Variants in SGK3 observed in about 807,000 individuals in gnomAD.
The protein encoded by SGK3 is serum/glucocorticoid regulated kinase family member 3.
SGK3 carries 47 observed loss-of-function variants against 68.5 expected under a neutral mutation model. The ratio of observed to expected loss-of-function variants is 0.69; its 90% CI spans 0.54 to 0.87. SGK3 has a LOEUF of 0.87. SGK3 is among the 40% of genes least tolerant of loss of function. SGK3 has a pLI of 0.00. For missense variants in SGK3, 479 were observed against 575.5 expected (o/e 0.83, Z 1.72); for synonymous variants, 181 against 189.1 (o/e 0.96, Z 0.35).
At chr8:66,771,611 G>A (rs1282946652) in intron 1 of SGK3, among the ~76,000 whole-genome samples, 3 of 152,150 alleles carry the variant, frequency 2.0e-5, no homozygotes, top group Non-Finnish European at 4.4e-5. Context: ...GAAATGCTGT[G>A]TGATTCTTTT....
chr8:66,740,968 A>G (rs1805463017), intron 1 of SGK3, among the ~76,000 whole-genome samples: 1 of 151,076 alleles, frequency 6.6e-6, no homozygotes, highest in South Asian at 2.1e-4. Context: ...AATTTCCCCC[A>G]TTCCATCCTG....
In SGK3 at chr8:66,803,139, C is replaced by T. The variant is rs543555951; in HGVS notation, c.181-1236C>T. ...GTCATTTAATCACTAGGTTCCCCCT[C>T]TGCCTTTCTTTTCTTTCCTTTACAC... On this transcript the variant is annotated intron_variant, in intron 3 of 16. Coordinates refer to ENST00000521198, the MANE Select transcript of SGK3 (RefSeq NM_001033578.3). Among the ~76,000 whole-genome samples the T allele has an allele frequency of 1.1e-4, 16 of 152,342 alleles. 1 individual carries two copies. The South Asian group carries it at 2.7e-3, about 26-fold the overall frequency.
chr8:66,790,310 A>G (rs977431628), intron 1 of SGK3, among the ~76,000 whole-genome samples: 2 of 152,208 alleles, frequency 1.3e-5, no homozygotes, highest in East Asian at 1.9e-4. Context: ...AGTGAAGAGA[A>G]TTAGCATCCC....
chr8:66,843,418 C>G, intron 13 of SGK3, 34 bp from the exon 14 acceptor site: 1 of 1,582,128 alleles, frequency 6.3e-7, no homozygotes, highest in Non-Finnish European at 8.6e-7. Context: ...GATTTGTTTA[C>G]TGACTTGCTC....
At chr8:66,790,218 G>A (rs781448753) in intron 1 of SGK3, among the ~76,000 whole-genome samples, 1 of 152,152 alleles carries the variant, frequency 6.6e-6, no homozygotes, top group Non-Finnish European at 1.5e-5. Context: ...TGTCATAAAG[G>A]CAGTTTTCTC....
intron 16 of SGK3, among the ~76,000 whole-genome samples, chr8:66,854,950 A>G (rs71515038): frequency 6.6e-6 from 1 of 152,014 alleles, no homozygotes; most frequent in Non-Finnish European, 1.5e-5. Context: ...GGAGTTCAAG[A>G]CCAGCCTGGG....
chr8:66,823,769 A>G (rs1808943079), intron 6 of SGK3, among the ~76,000 whole-genome samples: 1 of 152,218 alleles, frequency 6.6e-6, no homozygotes, highest in South Asian at 2.1e-4. Context: ...GATGTTTTCA[A>G]CATTTACCAT....
At chr8:66,739,645 C>G (rs892057698) in intron 1 of SGK3, among the ~76,000 whole-genome samples, 1 of 152,182 alleles carries the variant, frequency 6.6e-6, no homozygotes, top group Non-Finnish European at 1.5e-5. Context: ...ATCTGCCTGC[C>G]TCAGCCTCCC....
At chr8:66,796,003 G>A (rs984996340) in intron 2 of SGK3, among the ~76,000 whole-genome samples, 2 of 152,126 alleles carry the variant, frequency 1.3e-5, no homozygotes, top group African/African-American at 4.8e-5. Flanking sequence ...TTGTTCATCT[G>A]TTATTTGCTG....
rs977240663 is a variant in SGK3 at position 66,798,692 on chromosome 8, T to C, written c.180+67T>C. The C allele has an allele frequency of 4.5e-6, 6 of 1,323,598 alleles. No individual in the cohort carries two copies. In the African/African-American group the frequency reaches 7.4e-5, roughly 16 times the overall value. The allele number at this position is 1,323,598 out of a possible 1,614,324, so 82.0% of individuals were successfully genotyped here. The stretch of plus-strand genomic sequence containing the variant: ...CCGAGAAAACCCAAAATAAGAGAGA[T>C]GTATTTGAATGATTAAATTGATACT... On this transcript the variant is annotated intron_variant, in intron 3 of 16. Transcript: ENST00000521198.
chr8:66,811,212 C>T (rs374652823), intron 4 of SGK3, among the ~76,000 whole-genome samples: 1 of 152,034 alleles, frequency 6.6e-6, no homozygotes, highest in Non-Finnish European at 1.5e-5. Flanking sequence ...GAGACATGCT[C>T]TCACTATGTT....
chr8:66,858,153 C>T (rs986830604), intron 16 of SGK3, among the ~76,000 whole-genome samples: 5 of 152,138 alleles, frequency 3.3e-5, no homozygotes, highest in Admixed American at 2.6e-4. Flanking sequence ...GATGGACAGG[C>T]GTTTTATGGA....
At chr8:66,799,488 T>A (rs1470092797) in intron 3 of SGK3, among the ~76,000 whole-genome samples, 1 of 152,224 alleles carries the variant, frequency 6.6e-6, no homozygotes, top group Admixed American at 6.5e-5. Flanking sequence ...TTGAAGATCA[T>A]ACGTAGAAGC....
intron 3 of SGK3, among the ~76,000 whole-genome samples, chr8:66,800,409 A>G (rs1302004159): frequency 8.9e-6 from 1 of 112,928 alleles, no homozygotes; most frequent in Non-Finnish European, 1.8e-5. Context: ...ATTATACTTT[A>G]AGTTTTAGGG....
Position 66,822,355 on chromosome 8 carries a change from T to C in SGK3, c.330-17T>C. On this transcript the variant is annotated splice_polypyrimidine_tract_variant and intron_variant, in intron 5 of 16. Transcript: ENST00000521198. ...AAATGCTTTTGAAGTTATAATAAAG[T>C]TAATTTTTGTTTTTAGTCCAGATGT... is the stretch of plus-strand genomic sequence containing the variant. 6.3e-7 allele frequency: 1 copy of C among 1,594,342 alleles called. No homozygotes were observed. Among genetic ancestry groups the C allele is most frequent in the Non-Finnish European group, 8.5e-7 (1 of 1,172,234 alleles).
chr8:66,847,278 C>T lies in SGK3; in HGVS notation c.1160C>T (p.Thr387Ile), dbSNP rs1481842638. 4.3e-6 allele frequency: 7 copies of T among 1,613,850 alleles called. No individual in the cohort carries two copies. Among genetic ancestry groups the T allele is most frequent in the Non-Finnish European group, 5.9e-6 (7 of 1,179,976 alleles). ...PLSLRPGVSL[T>I]AWSILEELLE... is the part of the protein sequence containing the mutation. ...AGTTTGAGGCCAGGAGTGAGTCTTA[C>T]AGCCTGGTCCATTCTGGAAGAACTC... is the stretch of plus-strand genomic sequence containing the variant. The change falls in exon 15 of 17, where the codon ACA (threonine) becomes ATA (isoleucine). Residue 387 changes from threonine to isoleucine, a missense_variant. Transcript: ENST00000521198.
chr8:66,723,422 C>T (rs1458223745), intron 1 of SGK3, among the ~76,000 whole-genome samples: 1 of 151,242 alleles, frequency 6.6e-6, no homozygotes, highest in Non-Finnish European at 1.5e-5. Context: ...CCAGCCTGGG[C>T]AACAAGAGTG....
At chr8:66,778,539 C>T (rs893940252) in intron 1 of SGK3, among the ~76,000 whole-genome samples, 2 of 152,256 alleles carry the variant, frequency 1.3e-5, no homozygotes, top group African/African-American at 4.8e-5. Flanking sequence ...CTCATGATCG[C>T]CCGCCTCGGC....
chr8:66,844,554 T>C (rs1236983558), intron 14 of SGK3, among the ~76,000 whole-genome samples: 2 of 152,156 alleles, frequency 1.3e-5, no homozygotes, highest in Non-Finnish European at 2.9e-5. Flanking sequence ...TAAGAGTACA[T>C]GTATGTTTTT....
Sources: allele counts gnomAD v4.1 joint callset (sites outside exome capture counted in the v4.1 genomes callset), GRCh38; gene constraint gnomAD v4.1.1; transcripts MANE v1.5; gene names NCBI Gene and HGNC (gene_info 2026-07-23, HGNC 2026-07-21).